Variants in POLE observed in about 807,000 individuals in gnomAD.
The protein encoded by POLE is DNA polymerase epsilon catalytic subunit A.
POLE carries 188 observed loss-of-function variants against 279.2 expected under a neutral mutation model. That is an observed-to-expected ratio of 0.67 (90% CI 0.60 to 0.76). The LOEUF is 0.76. Among genes scored for constraint, POLE ranks in the 30% least tolerant of loss-of-function variants. The pLI, the probability that POLE is intolerant of heterozygous loss-of-function variation, is 0.00. For missense variants in POLE, 2,703 were observed against 3,016.7 expected, an observed-to-expected ratio of 0.90 and a Z score of 2.44; for synonymous variants, 1,214 against 1,172.5, an observed-to-expected ratio of 1.04 and a Z score of -0.72.
At chr12:132,650,937 A>G (rs1252162777) in intron 29 of POLE, 1 of 138,376 alleles carries the variant, frequency 7.2e-6, no homozygotes, top group Non-Finnish European at 1.5e-5. Context: ...GCGCAATGGC[A>G]CGATCTCATC....
rs1386492835 is a variant in POLE at position 132,686,483 on chromosome 12, C to A, written c.62+771G>T. Among the ~76,000 whole-genome samples the A allele has an allele frequency of 4.6e-5, 7 of 152,018 alleles. No homozygotes were observed. In the East Asian group the frequency reaches 1.4e-3, roughly 30 times the overall value. ...GGCGCGGAGTCTCACGTCTGTAATC[C>A]CAGCACTTTGGAAGGCCGAGGCGGG... On this transcript the variant is annotated intron_variant, in intron 1 of 48. Coordinates refer to ENST00000320574, the MANE Select transcript of POLE (RefSeq NM_006231.4).
chr12:132,650,786 TACC>T (rs1243922296), intron 29 of POLE: 2 of 151,978 alleles, frequency 1.3e-5, no homozygotes, highest in Non-Finnish European at 1.5e-5. Flanking sequence ...TTTAAATTTT[TACC>T]ACATGTCCAC....
chr12:132,658,792 C>T (rs2042607588), intron 26 of POLE: 1 of 158,664 alleles, frequency 6.3e-6, no homozygotes, highest in African/African-American at 2.5e-5. Context: ...AACCTATTCC[C>T]TCCTCACACA....
intron 23 of POLE, among the ~76,000 whole-genome samples, chr12:132,662,030 T>C (rs1485671709): frequency 6.6e-6 from 1 of 152,214 alleles, no homozygotes; most frequent in Non-Finnish European, 1.5e-5. Context: ...TGCAGCTGTT[T>C]TGTGTTGCTT....
chr12:132,680,922 G>A (rs1200574564), intron 2 of POLE: 1 of 630,530 alleles, frequency 1.6e-6, no homozygotes, highest in Non-Finnish European at 2.7e-6. Context: ...TTATTCTGAT[G>A]GCTAAAAGAG....
At chr12:132,666,477 G>A (rs2042799020) in intron 20 of POLE, among the ~76,000 whole-genome samples, 1 of 152,254 alleles carries the variant, frequency 6.6e-6, no homozygotes, top group South Asian at 2.1e-4. Context: ...AGGAACTGGG[G>A]AGGCTGAGGC....
rs754324470 is a variant in POLE at position 132,632,677 on chromosome 12, G to A, written c.6123C>T (p.Val2041=). ...SQLSQEAEGA[V]GALPGMITFS... Reference sequence around the variant, plus strand: ...AAGACTGCTCACCGGGAAGGGCTCCGACCGCCCCCTCGGCCTCCTGGGAGA... The same window carrying A: ...AAGACTGCTCACCGGGAAGGGCTCCAACCGCCCCCTCGGCCTCCTGGGAGA... The change falls in exon 44 of 49, where the codon GTC becomes GTT. Residue 2041 remains valine (V), a synonymous_variant. Transcript: ENST00000320574. 1.1e-5 allele frequency: 18 copies of A among 1,613,858 alleles called. No homozygotes were observed. Among genetic ancestry groups the A allele is most frequent in the Admixed American group, 6.7e-5 (4 of 60,000 alleles).
At chr12:132,667,412 G>T (rs2135968309) in intron 20 of POLE, 91 bp downstream of exon 20, 1 of 1,352,330 alleles carries the variant, frequency 7.4e-7, no homozygotes, top group Non-Finnish European at 1.0e-6. Flanking sequence ...CTGCTCAGAG[G>T]ATCCCAGGCA....
At position 132,679,507 on chromosome 12, in the gene POLE, G is replaced by A. The variant is rs776647660; in HGVS notation, c.568C>T (p.Leu190=). Residue 190 remains leucine, a synonymous_variant, in exon 6 of 49, where the codon CTG becomes TTG. Coordinates refer to ENST00000320574, the MANE Select transcript of POLE (RefSeq NM_006231.4). ...QDHASDAYTA[L]LSSVLQRGGV... ...AAGACCAAAGTTTACCTGGAAAGCA[G>A]AGCTGTGTACGCGTCGCTGGCGTGA... 6.2e-7 allele frequency: 1 copy of A among 1,607,884 alleles called. No individual in the cohort carries two copies. Among genetic ancestry groups the A allele is most frequent in the Non-Finnish European group, 8.5e-7 (1 of 1,175,014 alleles).
chr12:132,680,559 T>G (rs780768194), intron 3 of POLE, 48 bp downstream of exon 3: 29 of 1,395,734 alleles, frequency 2.1e-5, no homozygotes, highest in Non-Finnish European at 3.0e-5. Flanking sequence ...CAGAGCTACA[T>G]GAACACCCAT....
intron 32 of POLE, among the ~76,000 whole-genome samples, chr12:132,644,603 T>C (rs2042233378): frequency 6.6e-6 from 1 of 151,696 alleles, no homozygotes; most frequent in Non-Finnish European, 1.5e-5. Flanking sequence ...TGGCAAAAAC[T>C]GAGAGAAATC....
In POLE at chr12:132,667,653, G is replaced by A. The variant is rs2042827473; in HGVS notation, c.2174-5C>T. 6.2e-7 allele frequency: 1 copy of A among 1,613,828 alleles called. No individual in the cohort carries two copies. Among genetic ancestry groups the A allele is most frequent in the South Asian group, 1.1e-5 (1 of 91,090 alleles). On this transcript the variant is annotated splice_region_variant and splice_polypyrimidine_tract_variant and intron_variant, in intron 19 of 48. Transcript: ENST00000320574. Reference sequence around the variant, plus strand: ...TGTAGGCTTTCCGGCAGTAATCTAAGCACGACGGAGATGGGCAGAGCAGGT... The same window carrying A: ...TGTAGGCTTTCCGGCAGTAATCTAAACACGACGGAGATGGGCAGAGCAGGT...
At chr12:132,630,475 C>A (rs553409768) in intron 45 of POLE, among the ~76,000 whole-genome samples, 1 of 152,172 alleles carries the variant, frequency 6.6e-6, no homozygotes, top group African/African-American at 2.4e-5. Context: ...CACAGCCAGG[C>A]GTGGTGGCTC....
At chr12:132,681,533 C>T (rs749676597) in intron 1 of POLE, among the ~76,000 whole-genome samples, 5 of 151,966 alleles carry the variant, frequency 3.3e-5, no homozygotes, top group African/African-American at 1.2e-4. Context: ...TTAGTAGAGA[C>T]GGGGTTTCAC....
At position 132,643,925 on chromosome 12, in the gene POLE, G is replaced by C. The variant is rs2042215726; in HGVS notation, c.4202C>G (p.Ser1401Ter). 1 of 1,613,978 alleles carries C rather than the reference G, an allele frequency of 6.2e-7. No individual in the cohort carries two copies. Among genetic ancestry groups the C allele is most frequent in the African/African-American group, 1.3e-5 (1 of 74,916 alleles). ...SNMVYNLYEYSVPEDMYQEHI... is the reference protein window; with the variant it reads ...SNMVYNLYEY Reference sequence around the variant, plus strand: ...TTCCTGGTACATGTCCTCTGGCACTGAATACTCATAGAGATTGTAGACCAT... The same window carrying C: ...TTCCTGGTACATGTCCTCTGGCACTCAATACTCATAGAGATTGTAGACCAT... The change falls in exon 33 of 49, where the codon TCA becomes TGA. Residue 1401 changes from serine to a stop codon, truncating the protein, a stop_gained. Transcript: ENST00000320574. LOFTEE classifies it high-confidence loss of function.
chr12:132,675,380 C>T lies in POLE; in HGVS notation c.1226+18G>A, dbSNP rs2136008092. The T allele has an allele frequency of 6.2e-7, 1 of 1,612,860 alleles. No homozygotes were observed. The highest frequency in any genetic ancestry group is 8.5e-7 in the Non-Finnish European group (1 of 1,179,436). Reference sequence around the variant, plus strand: ...TCACGGACAGCAGTGAGGAGCCATGCTGCTCTGTGGCCCCTACCTGAGGCA... The same window carrying T: ...TCACGGACAGCAGTGAGGAGCCATGTTGCTCTGTGGCCCCTACCTGAGGCA... On this transcript the variant is annotated intron_variant, in intron 12 of 48. Coordinates refer to ENST00000320574, the MANE Select transcript of POLE (RefSeq NM_006231.4). The surrounding 1 kb of genome is among the most constrained non-coding windows in gnomAD (Gnocchi z 4.3).
At position 132,672,283 on chromosome 12, in the gene POLE, T is replaced by C. The variant is rs745745342; in HGVS notation, c.1726A>G (p.Lys576Glu). 2 of 1,614,230 alleles carry C rather than the reference T, an allele frequency of 1.2e-6. No homozygotes were observed. Among genetic ancestry groups the C allele is most frequent in the Non-Finnish European group, 1.7e-6 (2 of 1,180,042 alleles). Residue 576 changes from lysine to glutamate, a missense_variant, in exon 16 of 49, where the codon AAG becomes GAG. Coordinates refer to ENST00000320574, the MANE Select transcript of POLE (RefSeq NM_006231.4). ...AFDFLLQRVE[K>E]TLRHALEEEE... The stretch of plus-strand genomic sequence containing the variant: ...TCCTCAAGGGCGTGGCGCAAGGTCT[T>C]CTCAACCCGCTGCAGCAGGAAGTCA...
At chr12:132,641,422 A>G in intron 39 of POLE, 1 of 582,132 alleles carries the variant, frequency 1.7e-6, no homozygotes. Flanking sequence ...CTCTGGCCAC[A>G]GGGAGGTCAG....
At chr12:132,672,150 A>G (rs1181306281) in intron 16 of POLE, 65 bp downstream of exon 16, 2 of 1,107,254 alleles carry the variant, frequency 1.8e-6, no homozygotes, top group African/African-American at 1.5e-5. Flanking sequence ...CGTGCTGCTG[A>G]AAGACGTGGT....
Sources: gnomAD v4.1 joint callset for allele counts (sites outside exome capture counted in the v4.1 genomes callset) on GRCh38, gnomAD v4.1.1 for gene constraint, Gnocchi (gnomAD v3.1) non-coding constraint, MANE v1.5 for transcripts, NCBI Gene and HGNC (gene_info 2026-07-23, HGNC 2026-07-21) for gene names.